TAF4: variants seen among roughly 807,000 people sequenced by gnomAD.
TAF4 encodes the protein transcription initiation factor TFIID subunit 4.
In TAF4, 9 loss-of-function variants were observed where a neutral mutation model predicts 90.3. That is an observed-to-expected ratio of 0.10 (90% confidence interval 0.06 to 0.17). TAF4 has a LOEUF of 0.17. Ranked by LOEUF, TAF4 falls within the 10% of genes least tolerant of loss-of-function variation. The pLI is 1.00. For synonymous variants in TAF4, 818 were observed against 638.9 expected (o/e 1.28, Z -4.23); for missense variants, 1,351 against 1,370.7 (o/e 0.99, Z 0.23).
chr20:62,064,779 G>A lies in TAF4; in HGVS notation c.1032C>T (p.Ala344=), dbSNP rs1407786697. ...CCTGCACCACCCTCTTGGGCGACTC[G>A]GCCTTGACCCCCGGCGCCGGCGCCG... ...AAAAPAPGVK[A]ESPKRVVQAA... Residue 344 remains alanine (A), a synonymous_variant, in exon 1 of 15, where the codon GCC becomes GCT. Coordinates refer to ENST00000252996, the MANE Select transcript of TAF4 (RefSeq NM_003185.4). 4.6e-6 allele frequency: 5 copies of A among 1,097,500 alleles called. No individual in the cohort carries two copies. Among genetic ancestry groups the A allele is most frequent in the Admixed American group, 1.0e-4 (2 of 19,092 alleles). 68.0% of individuals were successfully genotyped at this position (1,097,500 alleles called of 1,614,324 possible).
At chr20:61,989,497 G>C (rs1409207146) in intron 14 of TAF4, among the ~76,000 whole-genome samples, 1 of 151,090 alleles carries the variant, frequency 6.6e-6, no homozygotes, top group Non-Finnish European at 1.5e-5. Flanking sequence ...CAGTGAGTGA[G>C]TGAATGAGGG....
At chr20:62,048,552 C>T (rs1274055454) in intron 1 of TAF4, among the ~76,000 whole-genome samples, 3 of 152,082 alleles carry the variant, frequency 2.0e-5, no homozygotes, top group Admixed American at 2.0e-4. Flanking sequence ...CCAGGGTCCT[C>T]GTGTGGGGCC....
In TAF4 at chr20:62,064,689, G is replaced by T; in HGVS notation, c.1122C>A (p.Val374=). Reference sequence around the variant, plus strand: ...GCGCCCCTTGCATAGTTGGCCCGATGACCATGCTGGCCGCCGTGCTGGCCG... The same window carrying T: ...GCGCCCCTTGCATAGTTGGCCCGATTACCATGCTGGCCGCCGTGCTGGCCG... The part of the protein sequence containing the change: ...SGPASTAASM[V]IGPTMQGALP... Residue 374 remains valine, a synonymous_variant, in exon 1 of 15, where the codon GTC becomes GTA. Transcript: ENST00000252996. The T allele has an allele frequency of 1.6e-6, 2 of 1,261,372 alleles. No homozygotes were observed. The highest frequency in any genetic ancestry group is 5.4e-5 in the South Asian group (2 of 37,374). 78.1% of individuals were successfully genotyped at this position (1,261,372 alleles called of 1,614,324 possible). A position where few individuals can be genotyped will look rare whatever the true frequency, so the allele number is the denominator to read the frequency against.
At position 62,064,889 on chromosome 20, in the gene TAF4, T is replaced by A; in HGVS notation, c.922A>T (p.Ser308Cys). The A allele has an allele frequency of 2.3e-6, 2 of 853,214 alleles. No homozygotes were observed. Among genetic ancestry groups the A allele is most frequent in the South Asian group, 5.4e-5 (1 of 18,682 alleles). The allele number at this position is 853,214 out of a possible 1,614,324, so 52.9% of individuals were successfully genotyped here. ...PPPAAAQNGG[S>C]AGAAPAPAPA... ...GCGGGGGCGGGGGCTGCCCCGGCGC[T>A]GCCCCCGTTCTGGGCGGCGGCGGGG... Residue 308 changes from serine to cysteine, a missense_variant, in exon 1 of 15, where the codon AGC becomes TGC. Ser to Cys is a moderately radical substitution (Grantham distance 112). This residue lies in a region of TAF4 where 782 missense variants were observed against 536.6 expected (regional missense o/e 1.46). Transcript: ENST00000252996.
At chr20:62,027,338 C>T (rs56126715) in intron 1 of TAF4, among the ~76,000 whole-genome samples, 2,999 of 152,338 alleles carry the variant, frequency 0.02, 96 homozygotes, top group African/African-American at 0.068. Context: ...TTCACCCAGC[C>T]TTCAGCATCG....
chr20:62,052,127 C>A (rs561981162), intron 1 of TAF4, among the ~76,000 whole-genome samples: 127 of 152,218 alleles, frequency 8.3e-4, no homozygotes, highest in African/African-American at 3.0e-3. Flanking sequence ...CGTGCCCAGG[C>A]CAACCAGCTC....
At chr20:62,064,326 G>A (rs2056108497) in intron 1 of TAF4, 125 bp downstream of exon 1, 27 of 1,146,994 alleles carry the variant, frequency 2.4e-5, no homozygotes, top group Non-Finnish European at 2.8e-5. Flanking sequence ...CTGCCCCTCG[G>A]CCTGCTCCAG....
chr20:61,993,458 C>T (rs2055644558), intron 14 of TAF4, among the ~76,000 whole-genome samples: 1 of 152,146 alleles, frequency 6.6e-6, no homozygotes, highest in Non-Finnish European at 1.5e-5. Context: ...GTCCTTCAAC[C>T]GACAAGTTGT....
At chr20:62,001,800 C>T (rs1450096383) in intron 9 of TAF4, among the ~76,000 whole-genome samples, 1 of 151,636 alleles carries the variant, frequency 6.6e-6, no homozygotes, top group African/African-American at 2.4e-5. Flanking sequence ...TGACACAGGA[C>T]GGTCTCCGCT....
chr20:62,050,558 G>A (rs1466563041), intron 1 of TAF4, among the ~76,000 whole-genome samples: 2 of 150,280 alleles, frequency 1.3e-5, no homozygotes, highest in Admixed American at 6.7e-5. Context: ...ACCAAAACAA[G>A]AGTAAAGGAA....
intron 1 of TAF4, among the ~76,000 whole-genome samples, chr20:62,028,936 C>A (rs1321260149): frequency 6.6e-6 from 1 of 152,222 alleles, no homozygotes; most frequent in African/African-American, 2.4e-5. Flanking sequence ...GTGGCTCACA[C>A]CTGTAATCCC....
In TAF4 at chr20:62,007,629, T is replaced by C; in HGVS notation, c.1892A>G (p.Lys631Arg). ...GCTTGTGAAATCTTCTGCTTCTATTTTTCCATCCTTAAAAATAAAATCCAT... is the reference window on the plus strand; with the variant it reads ...GCTTGTGAAATCTTCTGCTTCTATTCTTCCATCCTTAAAAATAAAATCCAT... ...KELVQNLLDGKIEAEDFTSRL... is the reference protein window; with the variant it reads ...KELVQNLLDGRIEAEDFTSRL... The change falls in exon 6 of 15, where the codon AAA becomes AGA. Residue 631 changes from lysine (K) to arginine (R), a missense_variant. Coordinates refer to ENST00000252996, the MANE Select transcript of TAF4 (RefSeq NM_003185.4). The C allele has an allele frequency of 6.2e-7, 1 of 1,600,666 alleles. No homozygotes were observed. The highest frequency in any genetic ancestry group is 1.1e-5 in the South Asian group (1 of 89,412).
chr20:62,007,403 G>A, intron 6 of TAF4, 144 bp downstream of exon 6: 1 of 695,974 alleles, frequency 1.4e-6, no homozygotes. Flanking sequence ...CCCAGGCACT[G>A]AGTCCCCGGC....
intron 2 of TAF4, among the ~76,000 whole-genome samples, chr20:62,013,466 G>C (rs1452551203): frequency 6.6e-6 from 1 of 152,268 alleles, no homozygotes; most frequent in Non-Finnish European, 1.5e-5. Context: ...CACAGTGCAA[G>C]TGAAGCCACG....
chr20:62,044,759 T>G (rs1317389001), intron 1 of TAF4, among the ~76,000 whole-genome samples: 2 of 152,188 alleles, frequency 1.3e-5, no homozygotes, highest in African/African-American at 4.8e-5. Context: ...GAATGTGCTG[T>G]GTTAAAAATG....
chr20:62,048,194 C>A (rs962752060), intron 1 of TAF4, among the ~76,000 whole-genome samples: 6 of 152,192 alleles, frequency 3.9e-5, no homozygotes, highest in Non-Finnish European at 8.8e-5. Flanking sequence ...CAGGCTGGCG[C>A]GTGCCTGCCC....
chr20:62,033,012 G>C (rs557773889), intron 1 of TAF4, among the ~76,000 whole-genome samples: 4 of 152,006 alleles, frequency 2.6e-5, no homozygotes, highest in African/African-American at 7.2e-5. Context: ...TGATGGATGC[G>C]GGGGGAAAAA....
chr20:62,044,712 A>C (rs895771961), intron 1 of TAF4, among the ~76,000 whole-genome samples: 1 of 152,238 alleles, frequency 6.6e-6, no homozygotes, highest in Non-Finnish European at 1.5e-5. Context: ...AAGAGAAGAG[A>C]TAAAAATACA....
chr20:62,022,162 G>T (rs986488841), intron 1 of TAF4, among the ~76,000 whole-genome samples: 1 of 151,820 alleles, frequency 6.6e-6, no homozygotes, highest in African/African-American at 2.4e-5. Context: ...GTGGAGACCT[G>T]TGCAGTCAGG....
Sources: gnomAD v4.1 joint callset for allele counts (sites outside exome capture counted in the v4.1 genomes callset) on GRCh38, gnomAD v4.1.1 for gene constraint, gnomAD v4.1.1 regional missense constraint, MANE v1.5 for transcripts, NCBI Gene and HGNC (gene_info 2026-07-23, HGNC 2026-07-21) for gene names.